The following ATP6V1A variants were observed in gnomAD, a reference collection of about 807,000 sequenced individuals.
ATP6V1A encodes the protein ATPase H+ transporting V1 subunit A.
ATP6V1A carries 18 observed loss-of-function variants against 70.1 expected under a neutral mutation model. The ratio of observed to expected loss-of-function variants is 0.26; its 90% CI spans 0.18 to 0.38. The LOEUF is 0.38. Ranked by LOEUF, ATP6V1A falls within the 10% of genes least tolerant of loss-of-function variation. ATP6V1A has a pLI of 1.00. For missense variants in ATP6V1A, 424 were observed against 772.4 expected, an observed-to-expected ratio of 0.55 and a Z score of 5.35; for synonymous variants, 232 against 253.8, an observed-to-expected ratio of 0.91 and a Z score of 0.82.
intron 1 of ATP6V1A, among the ~76,000 whole-genome samples, chr3:113,772,523 C>T (rs921744714): frequency 5.3e-5 from 8 of 152,018 alleles, no homozygotes; most frequent in Non-Finnish European, 1.0e-4. Context: ...GTCAGGAGAT[C>T]GAGACCATCC....
At chr3:113,762,969 T>C (rs919612478) in intron 1 of ATP6V1A, among the ~76,000 whole-genome samples, 3 of 152,214 alleles carry the variant, frequency 2.0e-5, no homozygotes, top group Admixed American at 2.0e-4. Context: ...CGTGGTTGCA[T>C]ATTACCAATT....
Position 113,784,425 on chromosome 3 carries a change from G to A in ATP6V1A, c.413G>A (p.Cys138Tyr), listed in dbSNP as rs1383039332. 4 of 1,610,816 alleles carry A rather than the reference G, an allele frequency of 2.5e-6. No homozygotes were observed. In the African/African-American group the frequency reaches 5.3e-5, roughly 22 times the overall value. Residue 138 changes from cysteine (C) to tyrosine (Y), a missense_variant, in exon 4 of 15, where the codon TGC (cysteine) becomes TAC (tyrosine). Physicochemically the swap from Cys to Tyr is radical, Grantham distance 194. Coordinates refer to ENST00000273398, the MANE Select transcript of ATP6V1A (RefSeq NM_001690.4). ...GATATCAAATGGGACTTTACACCTT[G>A]CAAAAACCTACGGGTATGTCTGTGT... ...SRDIKWDFTP[C>Y]KNLRVGSHIT...
intron 8 of ATP6V1A, among the ~76,000 whole-genome samples, chr3:113,793,394 CT>C (rs1354954435): frequency 6.6e-6 from 1 of 152,138 alleles, no homozygotes; most frequent in East Asian, 1.9e-4. Context: ...TAAATTCGTC[CT>C]TTATCTGTCA....
chr3:113,804,403 G>A (rs1709252507), intron 13 of ATP6V1A, among the ~76,000 whole-genome samples: 1 of 152,074 alleles, frequency 6.6e-6, no homozygotes, highest in African/African-American at 2.4e-5. Flanking sequence ...CAAGGTCTCT[G>A]TTAGAGCACT....
At chr3:113,803,916 G>A (rs112193152) in intron 13 of ATP6V1A, among the ~76,000 whole-genome samples, 21 of 152,200 alleles carry the variant, frequency 1.4e-4, no homozygotes, top group African/African-American at 3.6e-4. Flanking sequence ...AGATTTAATT[G>A]TGGCTTAGTG....
At chr3:113,747,871 T>G (rs1484265643) in intron 1 of ATP6V1A, among the ~76,000 whole-genome samples, 1 of 152,154 alleles carries the variant, frequency 6.6e-6, no homozygotes, top group African/African-American at 2.4e-5. Flanking sequence ...CAGGCTGGTT[T>G]AGGGAAGAGT....
rs368337881 is a variant in ATP6V1A at position 113,761,691 on chromosome 3, G to A, written c.-14+14578G>A. 1.1e-3 allele frequency among the ~76,000 whole-genome samples: 166 copies of A among 148,468 alleles called. 2 individuals are homozygous for A. Among genetic ancestry groups the A allele is most frequent in the African/African-American group, 3.8e-3 (154 of 40,126 alleles). The stretch of plus-strand genomic sequence containing the variant: ...GCAGAGATTGTGGTGAGCCAAGATC[G>A]CGCCATTGCACTGCAGCCTGGGCAA... On this transcript the variant is annotated intron_variant, in intron 1 of 14. Coordinates refer to ENST00000273398, the MANE Select transcript of ATP6V1A (RefSeq NM_001690.4).
intron 12 of ATP6V1A, among the ~76,000 whole-genome samples, chr3:113,800,865 C>T (rs935795989): frequency 2.6e-5 from 4 of 152,086 alleles, no homozygotes; most frequent in Non-Finnish European, 4.4e-5. Context: ...ATCTAAAACT[C>T]ATGGACTGGC....
intron 1 of ATP6V1A, among the ~76,000 whole-genome samples, chr3:113,770,251 T>C (rs1351322415): frequency 6.6e-6 from 1 of 152,138 alleles, no homozygotes; most frequent in Non-Finnish European, 1.5e-5. Flanking sequence ...GGTTTCACCA[T>C]GTTGGCCAGG....
At chr3:113,796,066 T>A in intron 11 of ATP6V1A, 127 bp downstream of exon 11, 1 of 785,340 alleles carries the variant, frequency 1.3e-6, no homozygotes. Flanking sequence ...TAGGCAATGG[T>A]AAAGTCTGGT....
At chr3:113,789,916 GC>G in intron 8 of ATP6V1A, 76 bp downstream of exon 8, 2 of 1,080,048 alleles carry the variant, frequency 1.9e-6, no homozygotes, top group Non-Finnish European at 2.8e-6. Flanking sequence ...TTTCTAAAGA[GC>G]TTTTTACTTT....
At chr3:113,755,368 C>T (rs1305397714) in intron 1 of ATP6V1A, among the ~76,000 whole-genome samples, 1 of 150,770 alleles carries the variant, frequency 6.6e-6, no homozygotes, top group Non-Finnish European at 1.5e-5. Flanking sequence ...CTTTGGGAGG[C>T]CGATGCAGGC....
At chr3:113,770,781 C>T (rs1483830105) in intron 1 of ATP6V1A, among the ~76,000 whole-genome samples, 10 of 151,642 alleles carry the variant, frequency 6.6e-5, no homozygotes, top group African/African-American at 2.4e-4. Flanking sequence ...TAGTTTGGAC[C>T]TTATAGAGAT....
chr3:113,786,815 C>T (rs1355108077), intron 6 of ATP6V1A, among the ~76,000 whole-genome samples: 2 of 151,074 alleles, frequency 1.3e-5, no homozygotes, highest in Non-Finnish European at 1.5e-5. Flanking sequence ...CTCACTCTGT[C>T]GCCCAGGCTA....
chr3:113,789,235 C>G (rs563349418), intron 7 of ATP6V1A, among the ~76,000 whole-genome samples: 1 of 151,938 alleles, frequency 6.6e-6, no homozygotes, highest in Non-Finnish European at 1.5e-5. Flanking sequence ...TTAGTAGAGA[C>G]GGGGTTTCCA....
At position 113,754,031 on chromosome 3, in the gene ATP6V1A, C is replaced by T. The variant is rs572995625; in HGVS notation, c.-14+6918C>T. On this transcript the variant is annotated intron_variant, in intron 1 of 14. Coordinates refer to ENST00000273398, the MANE Select transcript of ATP6V1A (RefSeq NM_001690.4). ...TTGTATATTTTTACCTGGTTGTCAC[C>T]GTTGGAAAGAGGAAATAAGCAGAAA... Among the ~76,000 whole-genome samples, 112 of 152,046 alleles carry T rather than the reference C, an allele frequency of 7.4e-4. 3 individuals carry two copies. In the South Asian group the frequency reaches 0.021, roughly 28 times the overall value.
chr3:113,768,376 T>C (rs1708797384), intron 1 of ATP6V1A, among the ~76,000 whole-genome samples: 1 of 152,202 alleles, frequency 6.6e-6, no homozygotes, highest in Non-Finnish European at 1.5e-5. Context: ...TAAAAATATT[T>C]ATTTTTCAAA....
intron 13 of ATP6V1A, among the ~76,000 whole-genome samples, 165 bp from the exon 14 acceptor site, chr3:113,805,189 T>C (rs938135196): frequency 6.6e-6 from 1 of 152,246 alleles, no homozygotes; most frequent in Non-Finnish European, 1.5e-5. Flanking sequence ...GGTTAAGTAG[T>C]TGTTGGTCTT....
At chr3:113,778,225 C>G (rs912840789) in intron 1 of ATP6V1A, among the ~76,000 whole-genome samples, 1 of 152,036 alleles carries the variant, frequency 6.6e-6, no homozygotes, top group Non-Finnish European at 1.5e-5. Context: ...AAAACCCTGT[C>G]TCTACTAAAA....
Sources: allele counts gnomAD v4.1 joint callset (sites outside exome capture counted in the v4.1 genomes callset), GRCh38; gene constraint gnomAD v4.1.1; transcripts MANE v1.5; gene names NCBI Gene and HGNC (gene_info 2026-07-23, HGNC 2026-07-21).